The following FBXW7 variants were observed in gnomAD, a reference collection of about 807,000 sequenced individuals.
FBXW7 encodes the protein F-box and WD repeat domain containing 7.
A neutral mutation model predicts 86.3 loss-of-function variants in FBXW7; 11 were observed. The observed-to-expected ratio is 0.13, with a 90% CI of 0.08 to 0.21. FBXW7 has a LOEUF of 0.21. Ranked by LOEUF, FBXW7 falls within the 10% of genes least tolerant of loss-of-function variation. FBXW7 has a pLI of 1.00. For synonymous variants in FBXW7, 313 were observed against 297.9 expected (o/e 1.05, Z -0.52); for missense variants, 488 against 847.4 (o/e 0.58, Z 5.27).
At chr4:152,473,286 A>G (rs1438188544) in intron 2 of FBXW7, among the ~76,000 whole-genome samples, 2 of 152,230 alleles carry the variant, frequency 1.3e-5, no homozygotes, top group East Asian at 1.9e-4. Context: ...TTTCCTAGAC[A>G]GACTCAAGTT....
At chr4:152,375,270 T>C (rs1028804385) in intron 4 of FBXW7, among the ~76,000 whole-genome samples, 9 of 152,108 alleles carry the variant, frequency 5.9e-5, no homozygotes, top group Admixed American at 2.0e-4. Context: ...TTGTCACTTA[T>C]ACTGTAAAGA....
chr4:152,462,420 C>T (rs1311087917), intron 2 of FBXW7, among the ~76,000 whole-genome samples: 1 of 152,176 alleles, frequency 6.6e-6, no homozygotes, highest in Non-Finnish European at 1.5e-5. Context: ...CACTGGGTCC[C>T]CTGGGGTCTC....
intron 2 of FBXW7, among the ~76,000 whole-genome samples, chr4:152,533,719 A>G (rs1750216011): frequency 6.6e-6 from 1 of 152,244 alleles, no homozygotes; most frequent in African/African-American, 2.4e-5. Context: ...TTAGGGACAC[A>G]GGTATGGAAT....
intron 2 of FBXW7, among the ~76,000 whole-genome samples, chr4:152,437,610 T>G (rs1336538853): frequency 6.6e-6 from 1 of 152,186 alleles, no homozygotes; most frequent in Non-Finnish European, 1.5e-5. Context: ...GCGGCAGGAT[T>G]TGAAAGGATT....
chr4:152,473,616 G>C (rs1421236507), intron 2 of FBXW7, among the ~76,000 whole-genome samples: 1 of 151,980 alleles, frequency 6.6e-6, no homozygotes, highest in African/African-American at 2.4e-5. Context: ...GAGTAGCTAG[G>C]ACTACAGGTG....
chr4:152,454,426 C>G (rs1293385887), intron 2 of FBXW7, among the ~76,000 whole-genome samples: 1 of 151,998 alleles, frequency 6.6e-6, no homozygotes, highest in Admixed American at 6.6e-5. Context: ...CTACAAATAA[C>G]TTTTGATAAT....
In FBXW7 at chr4:152,535,721, C is replaced by G. The variant is rs1356049678; in HGVS notation, c.-807G>C. 2.5e-6 allele frequency: 1 copy of G among 395,234 alleles called. No homozygotes were observed. The highest frequency in any genetic ancestry group is 2.1e-5 in the African/African-American group (1 of 48,410). The allele number at this position is 395,234 out of a possible 1,614,324, so 24.5% of individuals were successfully genotyped here. A position where few individuals can be genotyped will look rare whatever the true frequency, so the allele number is the denominator to read the frequency against. ...CGCCCCACGGGACGAGGCAGAAGCT[C>G]TGGCGCCTCCTCAGCGTTCTCTCAC... On this transcript the variant is annotated 5_prime_UTR_variant, in exon 1 of 14. Transcript: ENST00000281708.
Position 152,322,495 on chromosome 4 carries a change from C to A in FBXW7, c.*386G>T, listed in dbSNP as rs1578864729. 2.0e-5 allele frequency: 5 copies of A among 252,476 alleles called. No individual in the cohort carries two copies. The East Asian group carries it at 2.8e-4, about 14-fold the overall frequency. 15.6% of individuals were successfully genotyped at this position (252,476 alleles called of 1,614,324 possible). On this transcript the variant is annotated 3_prime_UTR_variant, in exon 14 of 14. Coordinates refer to ENST00000281708, the MANE Select transcript of FBXW7 (RefSeq NM_001349798.2). ...TTGCAGTTCCTTTCTAGGTGTCTAG[C>A]TGTCAGTGGTAAAAGAACAGGCTAG...
chr4:152,510,366 C>G (rs1747845887), intron 2 of FBXW7, among the ~76,000 whole-genome samples: 1 of 152,220 alleles, frequency 6.6e-6, no homozygotes, highest in Non-Finnish European at 1.5e-5. Context: ...TACTGTCAAA[C>G]TGCTCTCCAA....
chr4:152,327,256 G>A (rs965089955), intron 11 of FBXW7, among the ~76,000 whole-genome samples: 1 of 152,008 alleles, frequency 6.6e-6, no homozygotes, highest in Non-Finnish European at 1.5e-5. Context: ...ATAGCACACT[G>A]TTCAAAGTAG....
At chr4:152,526,879 T>C (rs777879074) in intron 2 of FBXW7, among the ~76,000 whole-genome samples, 4 of 152,250 alleles carry the variant, frequency 2.6e-5, no homozygotes, top group Non-Finnish European at 5.9e-5. Flanking sequence ...AACAGTTCTG[T>C]CATTTCTTCA....
chr4:152,393,817 C>T (rs571383022), intron 4 of FBXW7, among the ~76,000 whole-genome samples: 2 of 152,214 alleles, frequency 1.3e-5, no homozygotes, highest in South Asian at 4.1e-4. Flanking sequence ...GAGAAACTAC[C>T]TTTTGCATCA....
chr4:152,430,582 TATA>T (rs1050642158), intron 2 of FBXW7, among the ~76,000 whole-genome samples: 1 of 152,160 alleles, frequency 6.6e-6, no homozygotes, highest in African/African-American at 2.4e-5. Flanking sequence ...TTAAGTGGGT[TATA>T]ATGTTACTTG....
At chr4:152,368,735 T>C (rs1371888547) in intron 4 of FBXW7, among the ~76,000 whole-genome samples, 1 of 152,124 alleles carries the variant, frequency 6.6e-6, no homozygotes, top group East Asian at 1.9e-4. Context: ...GCTAACATAA[T>C]ATGTAAATCA....
chr4:152,496,583 C>A (rs1746361808), intron 2 of FBXW7, among the ~76,000 whole-genome samples: 2 of 151,326 alleles, frequency 1.3e-5, no homozygotes, highest in South Asian at 4.2e-4. Context: ...GAGGCTGACG[C>A]AGCAAAATCA....
chr4:152,449,643 CACTT>C (rs1741730012), intron 2 of FBXW7, among the ~76,000 whole-genome samples: 1 of 152,138 alleles, frequency 6.6e-6, no homozygotes, highest in African/African-American at 2.4e-5. Flanking sequence ...AATTTTCTCC[CACTT>C]ACTTGTCTGC....
intron 2 of FBXW7, 137 bp downstream of exon 2, chr4:152,534,804 C>T (rs1750350461): frequency 6.6e-6 from 1 of 152,260 alleles, no homozygotes; most frequent in African/African-American, 2.4e-5. Flanking sequence ...TAACACCTTC[C>T]CCCCTCCGTG....
chr4:152,389,012 T>G (rs537890664), intron 4 of FBXW7, among the ~76,000 whole-genome samples: 25 of 152,184 alleles, frequency 1.6e-4, no homozygotes, highest in Admixed American at 1.2e-3. Flanking sequence ...ATACATATTT[T>G]TTCATGCCTA....
At chr4:152,407,179 T>A (rs1012439669) in intron 4 of FBXW7, among the ~76,000 whole-genome samples, 12 of 152,214 alleles carry the variant, frequency 7.9e-5, no homozygotes, top group Admixed American at 7.9e-4. Flanking sequence ...AAAGTTCTTA[T>A]CACTCTAATA....
Sources: allele counts gnomAD v4.1 joint callset (sites outside exome capture counted in the v4.1 genomes callset), GRCh38; gene constraint gnomAD v4.1.1; transcripts MANE v1.5; gene names NCBI Gene and HGNC (gene_info 2026-07-23, HGNC 2026-07-21).